The following PLEKHH1 variants were observed in gnomAD, a reference collection of about 807,000 sequenced individuals.
PLEKHH1 encodes the protein pleckstrin homology, MyTH4 and FERM domain containing H1.
A neutral mutation model predicts 160.0 loss-of-function variants in PLEKHH1; 104 were observed. The ratio of observed to expected loss-of-function variants is 0.65; its 90% CI spans 0.55 to 0.76. The LOEUF is 0.76. PLEKHH1 is among the 30% of genes least tolerant of loss of function. The pLI is 0.00. For synonymous variants in PLEKHH1, 619 were observed against 678.4 expected (o/e 0.91, Z 1.36); for missense variants, 1,427 against 1,724.1 (o/e 0.83, Z 3.05).
At chr14:67,572,632 T>G (rs1011675124) in intron 11 of PLEKHH1, among the ~76,000 whole-genome samples, 4 of 152,144 alleles carry the variant, frequency 2.6e-5, no homozygotes, top group African/African-American at 9.7e-5. Context: ...CCAGGCACTG[T>G]GCTCAGTTTC....
intron 4 of PLEKHH1, among the ~76,000 whole-genome samples, chr14:67,559,096 T>C (rs1164017121): frequency 6.6e-6 from 1 of 152,258 alleles, no homozygotes; most frequent in Non-Finnish European, 1.5e-5. Flanking sequence ...TGAGCCACCA[T>C]GCCCAGCCAG....
chr14:67,561,921 G>T, intron 5 of PLEKHH1, 33 bp from the exon 6 acceptor site: 1 of 1,493,584 alleles, frequency 6.7e-7, no homozygotes, highest in East Asian at 2.3e-5. Flanking sequence ...TGTAGGCTGG[G>T]TGTCCTAAAT....
rs185661133 is a variant in PLEKHH1, at chr14:67,576,404, C to T, written c.2362C>T (p.Leu788Phe). 1.7e-5 allele frequency: 27 copies of T among 1,599,134 alleles called. No individual in the cohort carries two copies. The East Asian group carries it at 5.8e-4, about 34-fold the overall frequency. ...TTCCGCCCTCTTCCAGGATACGTGGCTCTACCACCTCACAGTGGCTGCAGG... is the reference window on the plus strand; with the variant it reads ...TTCCGCCCTCTTCCAGGATACGTGGTTCTACCACCTCACAGTGGCTGCAGG... ...IGTKHEKDTWLYHLTVAAGGS... is the reference protein window; with the variant it reads ...IGTKHEKDTWFYHLTVAAGGS... Residue 788 changes from leucine to phenylalanine, a missense_variant, in exon 17 of 29, where the codon CTC (leucine) becomes TTC (phenylalanine). This residue lies in a region of PLEKHH1 where 436 missense variants were observed against 607.5 expected (regional missense o/e 0.72). Coordinates refer to ENST00000329153, the MANE Select transcript of PLEKHH1 (RefSeq NM_020715.3). The surrounding 1 kb of genome is among the most constrained non-coding windows in gnomAD (Gnocchi z 4.0).
chr14:67,581,935 A>G, intron 23 of PLEKHH1, 134 bp from the exon 24 acceptor site: 1 of 851,136 alleles, frequency 1.2e-6, no homozygotes, highest in Non-Finnish European at 1.8e-6. Flanking sequence ...TCTGGAGGCA[A>G]TACAAAATAG....
In PLEKHH1 at chr14:67,578,486, G is replaced by A; in HGVS notation, c.2752-48G>A. ...GTAGCTCAGGGCTATGAGGACAGGT[G>A]GTGCTGTAGGCCCAGCACTCACCCC... On this transcript the variant is annotated intron_variant, in intron 19 of 28. Coordinates refer to ENST00000329153, the MANE Select transcript of PLEKHH1 (RefSeq NM_020715.3). The surrounding 1 kb of genome is among the most constrained non-coding windows in gnomAD (Gnocchi z 5.0). The A allele has an allele frequency of 8.1e-7, 1 of 1,232,090 alleles. No homozygotes were observed. Among genetic ancestry groups the A allele is most frequent in the Non-Finnish European group, 1.2e-6 (1 of 847,516 alleles). The allele number at this position is 1,232,090 out of a possible 1,614,324, so 76.3% of individuals were successfully genotyped here. A position where few individuals can be genotyped will look rare whatever the true frequency, so the allele number is the denominator to read the frequency against.
At chr14:67,551,003 ATAAGTGTAGCC>A (rs1313825269) in intron 2 of PLEKHH1, among the ~76,000 whole-genome samples, 8 of 152,252 alleles carry the variant, frequency 5.3e-5, no homozygotes, top group Non-Finnish European at 1.2e-4. Flanking sequence ...GTTTAGCTAC[ATAAGTGTAGCC>A]TAAATATCCT....
intron 2 of PLEKHH1, among the ~76,000 whole-genome samples, chr14:67,552,385 G>A (rs1174725669): frequency 6.6e-6 from 1 of 152,196 alleles, no homozygotes; most frequent in Non-Finnish European, 1.5e-5. Flanking sequence ...GGGCTAAAGT[G>A]TTCAGACATT....
chr14:67,573,743 A>G lies in PLEKHH1; in HGVS notation c.1840-58A>G. The G allele has an allele frequency of 9.3e-7, 1 of 1,077,684 alleles. No homozygotes were observed. Among genetic ancestry groups the G allele is most frequent in the Non-Finnish European group, 1.4e-6 (1 of 689,872 alleles). The allele number at this position is 1,077,684 out of a possible 1,614,324, so 66.8% of individuals were successfully genotyped here. A position where few individuals can be genotyped will look rare whatever the true frequency, so the allele number is the denominator to read the frequency against. ...GTGGAGGAAGATCTGAGGGTAAATGAGGTGCTCCGGAAAGGCTCCACATTC... is the reference window on the plus strand; with the variant it reads ...GTGGAGGAAGATCTGAGGGTAAATGGGGTGCTCCGGAAAGGCTCCACATTC... On this transcript the variant is annotated intron_variant, in intron 12 of 28. Transcript: ENST00000329153. The surrounding 1 kb of genome is among the most constrained non-coding windows in gnomAD (Gnocchi z 4.8).
chr14:67,574,888 C>T lies in PLEKHH1; in HGVS notation c.2088+485C>T, dbSNP rs978418558. 1.3e-5 allele frequency among the ~76,000 whole-genome samples: 2 copies of T among 152,182 alleles called. No homozygotes were observed. The highest frequency in any genetic ancestry group is 4.1e-4 in the South Asian group (2 of 4,830). On this transcript the variant is annotated intron_variant, in intron 14 of 28. Coordinates refer to ENST00000329153, the MANE Select transcript of PLEKHH1 (RefSeq NM_020715.3). This position sits in a 1 kb window ranked among gnomAD's most constrained non-coding sequence, Gnocchi z 4.2. ...TAACAAGGAAGTACATTAGCTAGAC[C>T]AGAACACCAGCAGGAACCAAAGCGA...
intron 10 of PLEKHH1, 91 bp from the exon 11 acceptor site, chr14:67,572,044 C>A: frequency 6.7e-7 from 1 of 1,496,582 alleles, no homozygotes; most frequent in South Asian, 1.3e-5. Flanking sequence ...GAGACCGGGT[C>A]CCGGGTGGGT....
In PLEKHH1 at chr14:67,587,418, A is replaced by G. The variant is rs2036223437; in HGVS notation, c.*183A>G. 1.5e-6 allele frequency: 1 copy of G among 666,402 alleles called. No individual in the cohort carries two copies. Among genetic ancestry groups the G allele is most frequent in the African/African-American group, 1.8e-5 (1 of 55,138 alleles). 41.3% of individuals were successfully genotyped at this position (666,402 alleles called of 1,614,324 possible). Reference sequence around the variant, plus strand: ...GTGCCTTATAATGTTTCAGGGCTCAACTTTTTAAAATCCAGACCCAGTGTT... The same window carrying G: ...GTGCCTTATAATGTTTCAGGGCTCAGCTTTTTAAAATCCAGACCCAGTGTT... On this transcript the variant is annotated 3_prime_UTR_variant, in exon 29 of 29. Transcript: ENST00000329153.
chr14:67,569,425 A>G (rs989515090), intron 8 of PLEKHH1, among the ~76,000 whole-genome samples: 6 of 152,222 alleles, frequency 3.9e-5, no homozygotes, highest in Non-Finnish European at 7.3e-5. Context: ...ATCACAGGAA[A>G]GTAGCCAGTC....
chr14:67,563,263 T>C (rs1210655282), intron 7 of PLEKHH1, among the ~76,000 whole-genome samples: 1 of 152,242 alleles, frequency 6.6e-6, no homozygotes, highest in African/African-American at 2.4e-5. Context: ...TACGTGACCT[T>C]GGACATGTTA....
chr14:67,541,768 T>C lies in PLEKHH1; in HGVS notation c.-34-66T>C. 7.8e-6 allele frequency: 9 copies of C among 1,147,066 alleles called. No individual in the cohort carries two copies. The South Asian group carries it at 1.3e-4, about 17-fold the overall frequency. The allele number at this position is 1,147,066 out of a possible 1,614,324, so 71.1% of individuals were successfully genotyped here. The stretch of plus-strand genomic sequence containing the variant: ...TCTGTCCTTTGGTCCCCTCCCGTTC[T>C]TTCCCCACAGAACTCTTCCTCACAC... On this transcript the variant is annotated intron_variant, in intron 1 of 28. Transcript: ENST00000329153.
At chr14:67,579,065 A>C in intron 20 of PLEKHH1, 69 bp from the exon 21 acceptor site, 1 of 1,096,792 alleles carries the variant, frequency 9.1e-7, no homozygotes, top group Non-Finnish European at 1.3e-6. Flanking sequence ...GAGTCTAGAT[A>C]GGGATCCGGG....
intron 4 of PLEKHH1, among the ~76,000 whole-genome samples, chr14:67,557,809 C>T (rs528523180): frequency 5.9e-5 from 9 of 152,324 alleles, no homozygotes; most frequent in East Asian, 1.9e-4. Context: ...GTGTCAGGCA[C>T]GTGGTCAGTA....
intron 2 of PLEKHH1, among the ~76,000 whole-genome samples, chr14:67,552,716 G>T (rs1354573534): frequency 6.6e-6 from 1 of 151,246 alleles, no homozygotes; most frequent in South Asian, 2.1e-4. Context: ...GCAGTGAGCC[G>T]AGATCGCACC....
intron 7 of PLEKHH1, among the ~76,000 whole-genome samples, chr14:67,567,276 C>T (rs1383194302): frequency 1.3e-5 from 2 of 152,120 alleles, no homozygotes; most frequent in South Asian, 2.1e-4. Context: ...GAACATTTCT[C>T]AATCTGACGG....
At position 67,589,574 on chromosome 14, in the gene PLEKHH1, T is replaced by C; in HGVS notation, c.*2339T>C. On this transcript the variant is annotated 3_prime_UTR_variant, in exon 29 of 29. Coordinates refer to ENST00000329153, the MANE Select transcript of PLEKHH1 (RefSeq NM_020715.3). Reference sequence around the variant, plus strand: ...GGAAGATCTGTTTATTAACAGTAAATAAATAAGCCCTGTACAGAACACAGG... The same window carrying C: ...GGAAGATCTGTTTATTAACAGTAAACAAATAAGCCCTGTACAGAACACAGG... 6.1e-6 allele frequency: 6 copies of C among 985,412 alleles called. No individual in the cohort carries two copies. Among genetic ancestry groups the C allele is most frequent in the Non-Finnish European group, 7.2e-6 (6 of 829,918 alleles). The allele number at this position is 985,412 out of a possible 1,614,324, so 61.0% of individuals were successfully genotyped here.
Sources: gnomAD v4.1 joint callset for allele counts (sites outside exome capture counted in the v4.1 genomes callset) on GRCh38, gnomAD v4.1.1 for gene constraint, gnomAD v4.1.1 regional missense constraint, Gnocchi (gnomAD v3.1) non-coding constraint, MANE v1.5 for transcripts, NCBI Gene and HGNC (gene_info 2026-07-23, HGNC 2026-07-21) for gene names.